The following AATK variants were observed in gnomAD, a reference collection of about 807,000 sequenced individuals.
AATK encodes the protein serine/threonine-protein kinase LMTK1.
Under a neutral mutation model 114.3 loss-of-function variants are expected in AATK, and 91 were observed. The ratio of observed to expected loss-of-function variants is 0.80; its 90% CI spans 0.67 to 0.95. The LOEUF (loss-of-function observed/expected upper bound fraction) is 0.95, where lower values mean the gene tolerates loss of function less well. Among genes scored for constraint, AATK ranks in the 40% least tolerant of loss-of-function variants. The pLI, the probability that AATK is intolerant of heterozygous loss-of-function variation, is 0.00. For missense variants in AATK, 2,176 were observed against 1,965.2 expected, an observed-to-expected ratio of 1.11 and a Z score of -2.03; for synonymous variants, 1,075 against 916.5, an observed-to-expected ratio of 1.17 and a Z score of -3.12.
Position 81,134,632 on chromosome 17 carries a change from C to G in AATK, c.56-131G>C, listed in dbSNP as rs952840855. On this transcript the variant is annotated intron_variant, in intron 1 of 13. Transcript: ENST00000326724. ...TGGGCCTCAGCACCCTGACCTCTCA[C>G]CCCAGACCCCACACCTCACAGTGTG... 4.2e-6 allele frequency: 5 copies of G among 1,184,590 alleles called. No individual in the cohort carries two copies. The African/African-American group carries it at 7.6e-5, about 18-fold the overall frequency. 73.4% of individuals were successfully genotyped at this position (1,184,590 alleles called of 1,614,324 possible).
In AATK at chr17:81,120,773, C is replaced by T. The variant is rs184440748; in HGVS notation, c.3163G>A (p.Val1055Met). Reference protein sequence around the residue: ...GEAQGSGPGEVLPPLLQLEGS... With the variant: ...GEAQGSGPGEMLPPLLQLEGS... ...TCAAGCTGCAGCAGTGGGGGCAGCA[C>T]CTCCCCGGGGCCAGAGCCTTGTGCC... is the stretch of plus-strand genomic sequence containing the variant. The change falls in exon 11 of 14, where the codon GTG (valine) becomes ATG (methionine). Residue 1055 changes from valine to methionine, a missense_variant. Physicochemically the swap from Val to Met is conservative, Grantham distance 21 (BLOSUM62 1). This residue lies in a region of AATK where 1,701 missense variants were observed against 1,394.7 expected (regional missense o/e 1.22). Transcript: ENST00000326724. The T allele has an allele frequency of 6.2e-5, 97 of 1,570,354 alleles. No homozygotes were observed. In the African/African-American group the frequency reaches 1.1e-3, roughly 18 times the overall value.
chr17:81,131,933 A>T, intron 2 of AATK: 1 of 1,344,490 alleles, frequency 7.4e-7, no homozygotes, highest in Non-Finnish European at 9.9e-7. Context: ...GCAGCCTTGG[A>T]CCTTCACCTG....
At position 81,118,273 on chromosome 17, in the gene AATK, G is replaced by A; in HGVS notation, c.*129C>T. 7.5e-6 allele frequency: 7 copies of A among 939,204 alleles called. No homozygotes were observed. Among genetic ancestry groups the A allele is most frequent in the South Asian group, 1.6e-5 (1 of 63,566 alleles). The allele number at this position is 939,204 out of a possible 1,614,324, so 58.2% of individuals were successfully genotyped here. ...GGGCTTCTCCAGGACACCGCGTGGG[G>A]CAGAGGCACCTGAATCTGCTGCCAA... On this transcript the variant is annotated 3_prime_UTR_variant, in exon 14 of 14. Transcript: ENST00000326724.
intron 1 of AATK, among the ~76,000 whole-genome samples, chr17:81,138,476 C>A (rs540665259): frequency 9.4e-5 from 14 of 148,562 alleles, no homozygotes; most frequent in African/African-American, 3.2e-4. Context: ...CACCCACATG[C>A]ACACATGCAT....
intron 1 of AATK, among the ~76,000 whole-genome samples, chr17:81,152,103 C>G (rs1323978189): frequency 6.6e-6 from 1 of 151,930 alleles, no homozygotes; most frequent in Non-Finnish European, 1.5e-5. Context: ...GGTGAAACCC[C>G]ATCTCTACTA....
chr17:81,147,478 T>A (rs1159048456), intron 1 of AATK, among the ~76,000 whole-genome samples: 1 of 152,242 alleles, frequency 6.6e-6, no homozygotes, highest in African/African-American at 2.4e-5. Flanking sequence ...AGACTATGTT[T>A]TAGGCCTGGT....
In AATK at chr17:81,121,504, G is replaced by A. The variant is rs555748656; in HGVS notation, c.2432C>T (p.Ser811Leu). The A allele has an allele frequency of 8.4e-5, 130 of 1,551,376 alleles. No homozygotes were observed. Among genetic ancestry groups the A allele is most frequent in the South Asian group, 7.5e-4 (61 of 81,278 alleles). Residue 811 changes from serine (S) to leucine (L), a missense_variant, in exon 11 of 14, where the codon TCG (serine) becomes TTG (leucine). This residue lies in a region of AATK where 1,701 missense variants were observed against 1,394.7 expected (regional missense o/e 1.22). Transcript: ENST00000326724. ...SPSQEGAPLP[S>L]EEASAPDAPD... is the part of the protein sequence containing the mutation. ...GGCGTCGGGGGCACTGGCCTCCTCC[G>A]AGGGAAGTGGGGCTCCCTCCTGGGA...
Position 81,120,271 on chromosome 17 carries a change from CAGA to C in AATK, c.3662_3664del (p.Phe1221del), listed in dbSNP as rs750813468. ...CTTCTTCTTGCGTTCCAGGTCCTCG[CAGA>C]AGGTCTCGGACAGCAGGCTGGGCAT... On this transcript the variant is annotated inframe_deletion, in exon 11 of 14. Transcript: ENST00000326724. The C allele has an allele frequency of 8.1e-6, 13 of 1,603,792 alleles. No homozygotes were observed. Among genetic ancestry groups the C allele is most frequent in the African/African-American group, 2.7e-5 (2 of 74,936 alleles).
chr17:81,127,348 G>A (rs1598921738), intron 6 of AATK, among the ~76,000 whole-genome samples: 1 of 152,054 alleles, frequency 6.6e-6, no homozygotes, highest in Non-Finnish European at 1.5e-5. Context: ...CAGCTCCCCA[G>A]GGGTGCAGGG....
intron 1 of AATK, 30 bp from the exon 2 acceptor site, chr17:81,134,531 C>G (rs2060982035): frequency 6.2e-7 from 1 of 1,601,850 alleles, no homozygotes; most frequent in Admixed American, 1.7e-5. Flanking sequence ...TGAGAGTGGC[C>G]ATGGCTGAGG....
intron 1 of AATK, among the ~76,000 whole-genome samples, chr17:81,159,871 C>T (rs1048440688): frequency 2.4e-4 from 36 of 152,232 alleles, no homozygotes; most frequent in African/African-American, 8.2e-4. Context: ...CAGGGCTACC[C>T]GATACCAGGG....
chr17:81,150,242 T>C (rs535675332), intron 1 of AATK, among the ~76,000 whole-genome samples: 4 of 151,936 alleles, frequency 2.6e-5, no homozygotes, highest in Non-Finnish European at 5.9e-5. Flanking sequence ...TGCTGTAAGA[T>C]GGTTATTTTG....
In AATK at chr17:81,162,603, G is replaced by A. The variant is rs184554102; in HGVS notation, c.55+3335C>T. 7.0e-4 allele frequency among the ~76,000 whole-genome samples: 107 copies of A among 152,264 alleles called. 1 individual carries two copies. The highest frequency in any genetic ancestry group is 2.0e-3 in the African/African-American group (83 of 41,554). Reference sequence around the variant, plus strand: ...CTGCCACTGAGGCCATGCCTGGCCCGGGGCTCGCTGCCTCCTCTGCCCTCT... The same window carrying A: ...CTGCCACTGAGGCCATGCCTGGCCCAGGGCTCGCTGCCTCCTCTGCCCTCT... On this transcript the variant is annotated intron_variant, in intron 1 of 13. Coordinates refer to ENST00000326724, the MANE Select transcript of AATK (RefSeq NM_001080395.3).
intron 1 of AATK, among the ~76,000 whole-genome samples, chr17:81,151,968 C>T (rs1283194574): frequency 1.3e-5 from 2 of 152,192 alleles, no homozygotes; most frequent in African/African-American, 4.8e-5. Flanking sequence ...CAGTGCCACG[C>T]TTGCCTTCAA....
intron 1 of AATK, among the ~76,000 whole-genome samples, chr17:81,152,619 A>G (rs2061312716): frequency 6.6e-6 from 1 of 152,084 alleles, no homozygotes; most frequent in African/African-American, 2.4e-5. Flanking sequence ...GTCCTTTGTC[A>G]GAGAAGAAGA....
chr17:81,118,864 T>TG, intron 13 of AATK, among the ~76,000 whole-genome samples: 1 of 151,846 alleles, frequency 6.6e-6, no homozygotes, highest in Non-Finnish European at 1.5e-5. Context: ...TCCGAGGAGG[T>TG]GGGCACTTGT....
In AATK at chr17:81,140,907, G is replaced by GGCCGTGGGGACCGTGAGCTGTGA. The variant is rs1170330674; in HGVS notation, c.56-6407_56-6406insTCACAGCTCACGGTCCCCACGGC. 9.0e-3 allele frequency among the ~76,000 whole-genome samples: 988 copies of GGCCGTGGGGACCGTGAGCTGTGA among 109,380 alleles called. 43 individuals are homozygous for GGCCGTGGGGACCGTGAGCTGTGA. The highest frequency in any genetic ancestry group is 0.016 in the Middle Eastern group (3 of 186). The allele number at this position is 109,380 out of a possible 152,430, so 71.8% of individuals were successfully genotyped here. On this transcript the variant is annotated intron_variant, in intron 1 of 13. Coordinates refer to ENST00000326724, the MANE Select transcript of AATK (RefSeq NM_001080395.3). Reference sequence around the variant, plus strand: ...GGGGACCGTGAGCTGTGAGCCGTGGGGCCGTGGGGCCGTGGGACCGTGGGA... The same window carrying GGCCGTGGGGACCGTGAGCTGTGA: ...GGGGACCGTGAGCTGTGAGCCGTGGGGCCGTGGGGACCGTGAGCTGTGAGCCGTGGGGCCGTGGGACCGTGGGA...
Position 81,126,347 on chromosome 17 carries a change from C to T in AATK, c.755+80G>A. ...GCCGGTCCTCGCAAGCCCCCTGAGG[C>T]AGGACCCGCCCTATGCCCTTCCTTC... On this transcript the variant is annotated intron_variant, in intron 7 of 13. Transcript: ENST00000326724. The surrounding 1 kb of genome is among the most constrained non-coding windows in gnomAD (Gnocchi z 5.1). 1.4e-6 allele frequency: 2 copies of T among 1,476,348 alleles called. No individual in the cohort carries two copies. Among genetic ancestry groups the T allele is most frequent in the Non-Finnish European group, 9.1e-7 (1 of 1,104,858 alleles). 91.5% of individuals were successfully genotyped at this position (1,476,348 alleles called of 1,614,324 possible).
chr17:81,121,382 C>T lies in AATK; in HGVS notation c.2554G>A (p.Glu852Lys), dbSNP rs375510759. 2.2e-5 allele frequency: 35 copies of T among 1,610,094 alleles called. No homozygotes were observed. The highest frequency in any genetic ancestry group is 2.7e-5 in the Non-Finnish European group (32 of 1,179,132). Reference protein sequence around the residue: ...SALNGSSSSPEVEAPSSEDED... With the variant: ...SALNGSSSSPKVEAPSSEDED... The stretch of plus-strand genomic sequence containing the variant: ...TCCTCACTGCTGGGTGCCTCCACCT[C>T]GGGAGAGCTGCTGCTGCCATTCAGG... Residue 852 changes from glutamate to lysine, a missense_variant, in exon 11 of 14, where the codon GAG becomes AAG. Physicochemically the swap from Glu to Lys is moderately conservative, Grantham distance 56. Around this residue, in one of 4 missense-constraint regions of AATK, gnomAD observed 1,701 missense variants for 1,394.7 expected, o/e 1.22. Transcript: ENST00000326724.
Sources: allele counts gnomAD v4.1 joint callset (sites outside exome capture counted in the v4.1 genomes callset), GRCh38; gene constraint gnomAD v4.1.1; regional missense constraint gnomAD v4.1.1; non-coding constraint Gnocchi (gnomAD v3.1); transcripts MANE v1.5; gene names NCBI Gene and HGNC (gene_info 2026-07-23, HGNC 2026-07-21).